RGMB: variants seen among roughly 807,000 people sequenced by gnomAD.
RGMB encodes repulsive guidance molecule B.
A neutral mutation model predicts 26.9 loss-of-function variants in RGMB; 16 were observed. The observed-to-expected ratio is 0.60, with a 90% CI of 0.40 to 0.90. The LOEUF (loss-of-function observed/expected upper bound fraction) is 0.90, where lower values mean the gene tolerates loss of function less well. RGMB is among the 40% of genes least tolerant of loss of function. RGMB has a pLI of 0.00. For synonymous variants in RGMB, 225 were observed against 229.3 expected, an observed-to-expected ratio of 0.98 and a Z score of 0.17; for missense variants, 512 against 573.3, an observed-to-expected ratio of 0.89 and a Z score of 1.09.
At chr5:98,791,176 A>AAG (rs1746918759) in intron 2 of RGMB, among the ~76,000 whole-genome samples, 1 of 152,222 alleles carries the variant, frequency 6.6e-6, no homozygotes, top group Non-Finnish European at 1.5e-5. Flanking sequence ...GAAATGTGAG[A>AAG]AGGCTGGTAG....
At chr5:98,777,111 A>T (rs113735045) in intron 1 of RGMB, among the ~76,000 whole-genome samples, 1,742 of 151,778 alleles carry the variant, frequency 0.011, 14 homozygotes, top group South Asian at 0.025. Context: ...GGAAAGGAAA[A>T]GGTTTGGGGG....
intron 2 of RGMB, among the ~76,000 whole-genome samples, chr5:98,784,408 T>G (rs1746707424): frequency 6.6e-6 from 1 of 152,218 alleles, no homozygotes; most frequent in African/African-American, 2.4e-5. Flanking sequence ...TTGGTTTGCT[T>G]TTGGTTAATG....
At position 98,794,904 on chromosome 5, in the gene RGMB, G is replaced by T. The variant is rs1664267469; in HGVS notation, c.*1151G>T. The stretch of plus-strand genomic sequence containing the variant: ...GGAACAGAGTTGGGCGGCAATGACA[G>T]AAGAGCTTCCTTGGCCTGACTCGGT... On this transcript the variant is annotated 3_prime_UTR_variant, in exon 3 of 3. Coordinates refer to ENST00000513185, the MANE Select transcript of RGMB (RefSeq NM_001366508.1). 6.6e-6 allele frequency: 1 copy of T among 152,228 alleles called. No individual in the cohort carries two copies. The allele number at this position is 152,228 out of a possible 1,614,324, so 9.4% of individuals were successfully genotyped here.
intron 2 of RGMB, among the ~76,000 whole-genome samples, chr5:98,784,901 A>C (rs139916001): frequency 1.1e-3 from 171 of 152,260 alleles, no homozygotes; most frequent in African/African-American, 3.9e-3. Context: ...TGTGGGGGAA[A>C]AATAGACCAT....
chr5:98,783,919 T>C (rs781352929), intron 2 of RGMB, among the ~76,000 whole-genome samples: 1 of 152,246 alleles, frequency 6.6e-6, no homozygotes, highest in Non-Finnish European at 1.5e-5. Flanking sequence ...TGTTTTAATG[T>C]GGTTGTATCC....
rs1253743568 is a variant in RGMB at position 98,796,384 on chromosome 5, TGTG to T, written c.*2634_*2636del. ...GAGTCTTTGCAAAGAAACCTTTAGATGTGGTTCATAGATATATGAATACGTATC... is the reference window on the plus strand; with the variant it reads ...GAGTCTTTGCAAAGAAACCTTTAGATGTTCATAGATATATGAATACGTATC... On this transcript the variant is annotated 3_prime_UTR_variant, in exon 3 of 3. Transcript: ENST00000513185. 1 of 146,060 alleles carries T rather than the reference TGTG, an allele frequency of 6.8e-6. No individual in the cohort carries two copies. Among genetic ancestry groups the T allele is most frequent in the East Asian group, 2.0e-4 (1 of 5,022 alleles). The allele number at this position is 146,060 out of a possible 1,614,324, so 9.0% of individuals were successfully genotyped here.
chr5:98,782,500 C>G (rs1426257641), intron 2 of RGMB, among the ~76,000 whole-genome samples: 1 of 152,130 alleles, frequency 6.6e-6, no homozygotes, highest in East Asian at 1.9e-4. Context: ...ATGGAAATCC[C>G]AGCTTTACTG....
At chr5:98,770,581 T>C (rs1302034280), upstream of RGMB, 2 of 1,262,054 alleles carry the variant, frequency 1.6e-6, no homozygotes, top group East Asian at 6.2e-5. Flanking sequence ...GCTTTGGGAC[T>C]CTTCTCTCAC....
chr5:98,770,533 C>G (rs1746121028), upstream of RGMB: 7 of 774,176 alleles, frequency 9.0e-6, no homozygotes, highest in South Asian at 4.5e-4. Flanking sequence ...CCGCAAGCCC[C>G]GGGCTCTCTC....
At chr5:98,771,431 C>T (rs1169631188), upstream of RGMB, among the ~76,000 whole-genome samples, 2 of 152,156 alleles carry the variant, frequency 1.3e-5, no homozygotes, top group African/African-American at 4.8e-5. Context: ...CTATTCACTA[C>T]GCTCTTGCTT....
chr5:98,788,683 G>A (rs369042195), intron 2 of RGMB, among the ~76,000 whole-genome samples: 3 of 152,216 alleles, frequency 2.0e-5, no homozygotes, highest in South Asian at 2.1e-4. Context: ...TACCCTGGCG[G>A]GTAGGGAGGA....
At chr5:98,791,287 G>A (rs1031518517) in intron 2 of RGMB, among the ~76,000 whole-genome samples, 2 of 152,212 alleles carry the variant, frequency 1.3e-5, no homozygotes, top group African/African-American at 4.8e-5. Context: ...CAGCGGATAT[G>A]AATTTAACCG....
chr5:98,784,644 A>T (rs1357396811), intron 2 of RGMB, among the ~76,000 whole-genome samples: 1 of 152,216 alleles, frequency 6.6e-6, no homozygotes, highest in Non-Finnish European at 1.5e-5. Flanking sequence ...TGTCATTTTA[A>T]GTATATCTCT....
At chr5:98,777,262 G>A (rs935769974) in intron 1 of RGMB, among the ~76,000 whole-genome samples, 1 of 152,104 alleles carries the variant, frequency 6.6e-6, no homozygotes, top group Non-Finnish European at 1.5e-5. Context: ...CGTATGCTCG[G>A]ATAGATTTTA....
chr5:98,781,354 C>T (rs1216433532), intron 2 of RGMB, among the ~76,000 whole-genome samples: 1 of 152,208 alleles, frequency 6.6e-6, no homozygotes, highest in East Asian at 1.9e-4. Context: ...AGTAAAAGCT[C>T]AAGCTTGTCT....
At chr5:98,790,603 G>T (rs569592611) in intron 2 of RGMB, among the ~76,000 whole-genome samples, 101 of 152,302 alleles carry the variant, frequency 6.6e-4, no homozygotes, top group Non-Finnish European at 1.2e-3. Context: ...CAGCCGTGGT[G>T]AGACATATGG....
At position 98,793,988 on chromosome 5, in the gene RGMB, T is replaced by C. The variant is rs1747033097; in HGVS notation, c.*235T>C. ...TTTTGCAGTTCTGTGAAATGTTTTA[T>C]AATGTCCCTGCCCAGGGACCTGTTA... On this transcript the variant is annotated 3_prime_UTR_variant, in exon 3 of 3. Coordinates refer to ENST00000513185, the MANE Select transcript of RGMB (RefSeq NM_001366508.1). 2.4e-6 allele frequency: 1 copy of C among 424,932 alleles called. No individual in the cohort carries two copies. The highest frequency in any genetic ancestry group is 4.1e-6 in the Non-Finnish European group (1 of 242,438). The allele number at this position is 424,932 out of a possible 1,614,324, so 26.3% of individuals were successfully genotyped here. A position where few individuals can be genotyped will look rare whatever the true frequency, so the allele number is the denominator to read the frequency against.
chr5:98,776,236 G>A (rs1389702144), intron 1 of RGMB, among the ~76,000 whole-genome samples: 1 of 152,160 alleles, frequency 6.6e-6, no homozygotes, highest in African/African-American at 2.4e-5. Context: ...TTCAGTAACT[G>A]GTGTGAAAAT....
In RGMB at chr5:98,780,106, T is replaced by C. The variant is rs759614666; in HGVS notation, c.645+18T>C. ...CAAATAAGGCAAGTATACCTTCTTT[T>C]TTCCCTCTCCCTACTCAACTTTCAA... On this transcript the variant is annotated intron_variant, in intron 2 of 2. Transcript: ENST00000513185. The C allele has an allele frequency of 6.3e-7, 1 of 1,592,962 alleles. No individual in the cohort carries two copies. The highest frequency in any genetic ancestry group is 1.7e-5 in the Admixed American group (1 of 58,494).
Sources: gnomAD v4.1 joint callset for allele counts (sites outside exome capture counted in the v4.1 genomes callset) on GRCh38, gnomAD v4.1.1 for gene constraint, MANE v1.5 for transcripts, NCBI Gene and HGNC (gene_info 2026-07-23, HGNC 2026-07-21) for gene names.